Variants in MYO1B observed in about 807,000 individuals in gnomAD.
MYO1B encodes unconventional myosin-Ib.
A neutral mutation model predicts 159.7 loss-of-function variants in MYO1B; 72 were observed. The observed-to-expected ratio is 0.45, with a 90% CI of 0.37 to 0.55. The LOEUF (loss-of-function observed/expected upper bound fraction) is 0.55. Among genes scored for constraint, MYO1B ranks in the 20% least tolerant of loss-of-function variants. The pLI is 0.00. For missense variants in MYO1B, 1,062 were observed against 1,364.8 expected (o/e 0.78, Z 3.50); for synonymous variants, 468 against 473.8 (o/e 0.99, Z 0.16).
chr2:191,408,289 T>A (rs1271755175), intron 25 of MYO1B, 100 bp downstream of exon 25: 1 of 766,636 alleles, frequency 1.3e-6, no homozygotes, highest in Non-Finnish European at 2.2e-6. Flanking sequence ...ATGACAAAAG[T>A]GACTTTTTAA....
chr2:191,372,863 G>A (rs890427065), intron 13 of MYO1B, among the ~76,000 whole-genome samples: 6 of 143,868 alleles, frequency 4.2e-5, no homozygotes, highest in Non-Finnish European at 7.5e-5. Flanking sequence ...TTATGAAAAT[G>A]CCTGCGTTAT....
chr2:191,363,510 T>C (rs1370786942), intron 9 of MYO1B, among the ~76,000 whole-genome samples: 1 of 152,110 alleles, frequency 6.6e-6, no homozygotes, highest in Non-Finnish European at 1.5e-5. Flanking sequence ...CCCAGCCTCC[T>C]GTTTCTTCTG....
chr2:191,267,448 A>G (rs6746585), intron 1 of MYO1B, among the ~76,000 whole-genome samples: 144,678 of 152,290 alleles, frequency 0.95, 69,161 homozygotes, highest in East Asian at 1. Context: ...AGAGAAAATG[A>G]GGTGAGGGGT....
At chr2:191,321,898 A>G (rs181982911) in intron 3 of MYO1B, among the ~76,000 whole-genome samples, 1 of 152,230 alleles carries the variant, frequency 6.6e-6, no homozygotes, top group Admixed American at 6.5e-5. Flanking sequence ...CCTCACAGTG[A>G]GTACAACGCC....
At chr2:191,362,396 C>G (rs762829098) in intron 9 of MYO1B, 25 bp downstream of exon 9, 28 of 1,565,610 alleles carry the variant, frequency 1.8e-5, no homozygotes, top group Non-Finnish European at 2.5e-5. Context: ...TTTCATCAAG[C>G]TTTAAATTGC....
chr2:191,397,476 A>G (rs1165630952), intron 21 of MYO1B, among the ~76,000 whole-genome samples: 1 of 152,120 alleles, frequency 6.6e-6, no homozygotes, highest in Non-Finnish European at 1.5e-5. Context: ...CTGAGTGGAC[A>G]CAGCACACGT....
chr2:191,362,587 T>C (rs1474533674), intron 9 of MYO1B, among the ~76,000 whole-genome samples: 1 of 152,238 alleles, frequency 6.6e-6, no homozygotes, highest in East Asian at 1.9e-4. Flanking sequence ...CATGTGATTT[T>C]ACCATTTATC....
chr2:191,386,508 C>CT (rs1695406446), intron 16 of MYO1B, among the ~76,000 whole-genome samples: 1 of 40,582 alleles, frequency 2.5e-5, no homozygotes, highest in Non-Finnish European at 2.6e-4. Flanking sequence ...AAAATATTTA[C>CT]TTTTTTAAAA....
intron 4 of MYO1B, among the ~76,000 whole-genome samples, chr2:191,338,317 G>C (rs559297856): frequency 6.6e-6 from 1 of 152,164 alleles, no homozygotes; most frequent in South Asian, 2.1e-4. Context: ...TATTAAAACA[G>C]CTTGAACTTT....
chr2:191,268,039 T>C (rs568389323), intron 1 of MYO1B, among the ~76,000 whole-genome samples: 1 of 152,280 alleles, frequency 6.6e-6, no homozygotes, highest in East Asian at 1.9e-4. Flanking sequence ...CTTGTGCACA[T>C]TGAGAACTTA....
intron 7 of MYO1B, among the ~76,000 whole-genome samples, chr2:191,359,130 C>A (rs1693492960): frequency 6.6e-6 from 1 of 152,182 alleles, no homozygotes; most frequent in African/African-American, 2.4e-5. Context: ...CATAGAAGCT[C>A]AGTCACATGA....
At chr2:191,395,868 T>TTATA (rs1342682213) in intron 20 of MYO1B, among the ~76,000 whole-genome samples, 1 of 152,244 alleles carries the variant, frequency 6.6e-6, no homozygotes, top group Non-Finnish European at 1.5e-5. Context: ...AGATGCACAT[T>TTATA]TATATCCTCA....
Position 191,338,723 on chromosome 2 carries a change from G to A in MYO1B, c.347-2738G>A, listed in dbSNP as rs149058420. ...GGTTTTCAGAGGACTCAATGTAGCC[G>A]TGAATCTGAATTTTGAGGTTTTGAA... On this transcript the variant is annotated intron_variant, in intron 4 of 30. Transcript: ENST00000392318. Among the ~76,000 whole-genome samples the A allele has an allele frequency of 1.0e-3, 154 of 152,286 alleles. 1 individual carries two copies. The highest frequency in any genetic ancestry group is 3.4e-3 in the Middle Eastern group (1 of 294).
intron 11 of MYO1B, 101 bp from the exon 12 acceptor site, chr2:191,369,441 A>G (rs1694225414): frequency 1.1e-6 from 1 of 892,672 alleles, no homozygotes; most frequent in African/African-American, 1.7e-5. Context: ...ATGTGAAATA[A>G]AAGAGCTTCA....
rs746455451 is a variant in MYO1B at position 191,362,370 on chromosome 2, G to A, written c.764G>A (p.Arg255Gln). The A allele has an allele frequency of 6.8e-6, 11 of 1,612,290 alleles. No individual in the cohort carries two copies. The South Asian group carries it at 7.7e-5, about 11-fold the overall frequency. The change falls in exon 9 of 31, where the codon CGG (arginine) becomes CAG (glutamine). Residue 255 changes from arginine to glutamine, a missense_variant and splice_region_variant. By Grantham distance (43) the Arg-to-Gln change is conservative. Transcript: ENST00000392318. Reference sequence around the variant, plus strand: ...GATGCAGCAAATTTTAGAACCGTGCGGGTAAGATGTAGTACTTTCATCAAG... The same window carrying A: ...GATGCAGCAAATTTTAGAACCGTGCAGGTAAGATGTAGTACTTTCATCAAG... ...VDDAANFRTV[R>Q]NAMQIVGFMD...
intron 14 of MYO1B, 46 bp downstream of exon 14, chr2:191,381,612 C>G (rs571036332): frequency 7.4e-7 from 1 of 1,346,160 alleles, no homozygotes; most frequent in Non-Finnish European, 1.1e-6. Context: ...CTTTTTTACT[C>G]GTAATATAAA....
chr2:191,363,186 T>C lies in MYO1B; in HGVS notation c.766-542T>C, dbSNP rs1693783655. ...TCATATGGAAGCAATAGTCTGTTGA[T>C]CCCTGGACATGATTTTGTTTAAACC... On this transcript the variant is annotated intron_variant, in intron 9 of 30. Transcript: ENST00000392318. 2.0e-5 allele frequency among the ~76,000 whole-genome samples: 3 copies of C among 152,204 alleles called. No homozygotes were observed. In the South Asian group the frequency reaches 6.2e-4, roughly 32 times the overall value.
At chr2:191,272,820 G>A (rs1200952151) in intron 1 of MYO1B, among the ~76,000 whole-genome samples, 3 of 152,192 alleles carry the variant, frequency 2.0e-5, no homozygotes, top group Non-Finnish European at 4.4e-5. Context: ...TAGCGAAGAT[G>A]ATCATCTTGT....
intron 17 of MYO1B, 182 bp downstream of exon 17, chr2:191,387,632 T>C: frequency 1.6e-6 from 1 of 627,050 alleles, no homozygotes; most frequent in South Asian, 2.0e-5. Flanking sequence ...TCCCCTAAAA[T>C]AAGAAAGTAA....
Sources: allele counts gnomAD v4.1 joint callset (sites outside exome capture counted in the v4.1 genomes callset), GRCh38; gene constraint gnomAD v4.1.1; transcripts MANE v1.5; gene names NCBI Gene and HGNC (gene_info 2026-07-23, HGNC 2026-07-21).